UVRAG: variants seen among roughly 807,000 people sequenced by gnomAD.
UVRAG encodes UV radiation resistance-associated gene protein.
Under a neutral mutation model 78.0 loss-of-function variants are expected in UVRAG, and 19 were observed. The observed-to-expected ratio is 0.24, with a 90% CI of 0.17 to 0.36. The LOEUF (loss-of-function observed/expected upper bound fraction) is 0.36. Among genes scored for constraint, UVRAG ranks in the 10% least tolerant of loss-of-function variants. The pLI, the probability that UVRAG is intolerant of heterozygous loss-of-function variation, is 1.00. For missense variants in UVRAG, 740 were observed against 853.8 expected (o/e 0.87, Z 1.66); for synonymous variants, 323 against 324.6 (o/e 1.00, Z 0.05).
chr11:76,118,668 C>G lies in UVRAG; in HGVS notation c.1397+2653C>G, dbSNP rs570147872. Among the ~76,000 whole-genome samples the G allele has an allele frequency of 2.0e-5, 3 of 152,064 alleles. No homozygotes were observed. The East Asian group carries it at 5.8e-4, about 29-fold the overall frequency. ...TTTCTAATGTTAAACCATCTTTGCC[C>G]CCTGGTCATGTGTATTATTTTTTCC... On this transcript the variant is annotated intron_variant, in intron 14 of 14. Transcript: ENST00000356136.
chr11:75,873,337 GTTT>G (rs113715203), intron 3 of UVRAG, among the ~76,000 whole-genome samples: 3 of 146,574 alleles, frequency 2.0e-5, no homozygotes, highest in Non-Finnish European at 3.0e-5. Context: ...GCCAGGAATA[GTTT>G]TTTTTTTTTA....
At chr11:76,138,768 G>A (rs1001712984) in intron 14 of UVRAG, among the ~76,000 whole-genome samples, 1 of 152,240 alleles carries the variant, frequency 6.6e-6, no homozygotes, top group African/African-American at 2.4e-5. Context: ...CCCCTCGTGG[G>A]CTGGGCTGGC....
At chr11:75,951,102 A>G (rs1028961381) in intron 6 of UVRAG, among the ~76,000 whole-genome samples, 1 of 151,882 alleles carries the variant, frequency 6.6e-6, no homozygotes, top group African/African-American at 2.4e-5. Flanking sequence ...GTTTTTGCAT[A>G]TATTTTCCTA....
At chr11:75,958,147 T>A (rs1948838276) in intron 6 of UVRAG, among the ~76,000 whole-genome samples, 2 of 152,212 alleles carry the variant, frequency 1.3e-5, no homozygotes, top group Admixed American at 1.3e-4. Context: ...TGTCAGTGGC[T>A]GCTGACTGAT....
chr11:75,860,319 G>A (rs760229440), intron 2 of UVRAG, among the ~76,000 whole-genome samples: 24 of 152,124 alleles, frequency 1.6e-4, no homozygotes, highest in Non-Finnish European at 2.5e-4. Context: ...TGCAAAAACT[G>A]TTTAATTTAG....
chr11:76,032,537 G>A (rs1018502544), intron 12 of UVRAG, among the ~76,000 whole-genome samples: 7 of 152,198 alleles, frequency 4.6e-5, no homozygotes, highest in Admixed American at 3.3e-4. Flanking sequence ...GGACATACTA[G>A]TCACTGCACA....
rs372585982 is a variant in UVRAG, at chr11:75,877,553, G to C, written c.271-2326G>C. On this transcript the variant is annotated intron_variant, in intron 3 of 14. Transcript: ENST00000356136. ...TCCCGGACGGGGTGGCTGGCCGGGCGGGGGGCTGACCCCCCCCACCTCCCT... is the reference window on the plus strand; with the variant it reads ...TCCCGGACGGGGTGGCTGGCCGGGCCGGGGGCTGACCCCCCCCACCTCCCT... 1.0e-3 allele frequency among the ~76,000 whole-genome samples: 146 copies of C among 140,362 alleles called. 1 individual carries two copies. The East Asian group carries it at 0.024, about 24-fold the overall frequency. The allele number at this position is 140,362 out of a possible 152,430, so 92.1% of individuals were successfully genotyped here. A position where few individuals can be genotyped will look rare whatever the true frequency, so the allele number is the denominator to read the frequency against.
intron 1 of UVRAG, among the ~76,000 whole-genome samples, chr11:75,827,082 A>G (rs141228975): frequency 2.7e-3 from 408 of 152,330 alleles, no homozygotes; most frequent in Middle Eastern, 6.8e-3. Context: ...TGAAACTAGC[A>G]GCAACCTTTG....
intron 5 of UVRAG, among the ~76,000 whole-genome samples, chr11:75,897,894 A>G (rs534996611): frequency 9.8e-4 from 64 of 65,190 alleles, no homozygotes; most frequent in Non-Finnish European, 1.3e-3. Context: ...TTTTTTGGAC[A>G]AGTCTCGTTC....
chr11:76,131,491 C>G (rs908806014), intron 14 of UVRAG, among the ~76,000 whole-genome samples: 34 of 152,220 alleles, frequency 2.2e-4, no homozygotes, highest in Non-Finnish European at 2.9e-5. Context: ...TTCTCTTTCA[C>G]CAATTCATCT....
chr11:76,036,192 C>T (rs541542204), intron 12 of UVRAG, among the ~76,000 whole-genome samples: 112 of 152,282 alleles, frequency 7.4e-4, no homozygotes, highest in African/African-American at 2.4e-3. Flanking sequence ...TTTGACAAAA[C>T]TGAAGCAAAG....
chr11:75,828,798 TATATATA>T lies in UVRAG; in HGVS notation c.117+13275_117+13281del, dbSNP rs1414706240. 5.9e-3 allele frequency among the ~76,000 whole-genome samples: 597 copies of T among 101,730 alleles called. 16 individuals carry two copies. The highest frequency in any genetic ancestry group is 0.022 in the African/African-American group (534 of 24,224). 66.7% of individuals were successfully genotyped at this position (101,730 alleles called of 152,430 possible). A position where few individuals can be genotyped will look rare whatever the true frequency, so the allele number is the denominator to read the frequency against. ...ATACACACATATATATATATATATA[TATATATA>T]TTTTTTTTTTTTTGTAGAGACAGGG... On this transcript the variant is annotated intron_variant, in intron 1 of 14. Coordinates refer to ENST00000356136, the MANE Select transcript of UVRAG (RefSeq NM_003369.4).
At chr11:76,064,428 C>A (rs1951150052) in intron 12 of UVRAG, among the ~76,000 whole-genome samples, 1 of 152,156 alleles carries the variant, frequency 6.6e-6, no homozygotes, top group Admixed American at 6.5e-5. Flanking sequence ...TTTGCTTATC[C>A]TGAATTTGCT....
At chr11:75,832,776 C>T (rs1227984252) in intron 1 of UVRAG, among the ~76,000 whole-genome samples, 1 of 152,184 alleles carries the variant, frequency 6.6e-6, no homozygotes, top group South Asian at 2.1e-4. Flanking sequence ...CTGAGGGACT[C>T]CCAGCCACCA....
intron 1 of UVRAG, among the ~76,000 whole-genome samples, chr11:75,846,677 C>A (rs1946040405): frequency 1.3e-5 from 2 of 151,698 alleles, no homozygotes; most frequent in Admixed American, 1.3e-4. Flanking sequence ...TGTGTTTGAG[C>A]CTTTATCAAA....
At chr11:75,930,058 T>C (rs2135101086) in intron 6 of UVRAG, among the ~76,000 whole-genome samples, 1 of 152,328 alleles carries the variant, frequency 6.6e-6, no homozygotes, top group East Asian at 1.9e-4. Context: ...AGTCACAACT[T>C]TTTTTGATTG....
At chr11:76,053,175 G>A (rs997682577) in intron 12 of UVRAG, among the ~76,000 whole-genome samples, 13 of 151,798 alleles carry the variant, frequency 8.6e-5, no homozygotes, top group African/African-American at 3.1e-4. Flanking sequence ...GTATGGTGGT[G>A]TACACCTGTA....
At chr11:75,963,720 G>T (rs1028544841) in intron 7 of UVRAG, among the ~76,000 whole-genome samples, 3 of 152,076 alleles carry the variant, frequency 2.0e-5, no homozygotes, top group Admixed American at 6.5e-5. Context: ...CAAAAATTTG[G>T]CATCTTCTCA....
At chr11:75,908,613 TAAG>T (rs1947668480) in intron 5 of UVRAG, among the ~76,000 whole-genome samples, 3 of 152,020 alleles carry the variant, frequency 2.0e-5, no homozygotes, top group Non-Finnish European at 4.4e-5. Flanking sequence ...TAGAATAACT[TAAG>T]AAGTATTTCC....
Sources: allele counts gnomAD v4.1 joint callset (sites outside exome capture counted in the v4.1 genomes callset), GRCh38; gene constraint gnomAD v4.1.1; transcripts MANE v1.5; gene names NCBI Gene and HGNC (gene_info 2026-07-23, HGNC 2026-07-21).